The following ZYG11B variants were observed in gnomAD, a reference collection of about 807,000 sequenced individuals.
ZYG11B encodes protein zyg-11 homolog B.
In ZYG11B, 36 loss-of-function variants were observed where a neutral mutation model predicts 82.4. The observed-to-expected ratio is 0.44, with a 90% CI of 0.33 to 0.58. The LOEUF is 0.58. ZYG11B is among the 20% of genes least tolerant of loss of function. ZYG11B has a pLI of 0.02. For missense variants in ZYG11B, 552 were observed against 895.6 expected (o/e 0.62, Z 4.90); for synonymous variants, 303 against 312.8 (o/e 0.97, Z 0.33).
chr1:52,798,494 C>G (rs1645046959), intron 8 of ZYG11B, among the ~76,000 whole-genome samples: 1 of 152,022 alleles, frequency 6.6e-6, no homozygotes, highest in African/African-American at 2.4e-5. Flanking sequence ...GTCTGTGGTC[C>G]CAGCTACGCA....
At chr1:52,755,240 C>T (rs1335079895) in intron 1 of ZYG11B, among the ~76,000 whole-genome samples, 15 of 151,958 alleles carry the variant, frequency 9.9e-5, no homozygotes, top group Admixed American at 2.0e-4. Context: ...GGATTACAGG[C>T]GGGAGCCACT....
intron 7 of ZYG11B, 138 bp downstream of exon 7, chr1:52,796,529 G>A: frequency 1.1e-6 from 1 of 918,282 alleles, no homozygotes. Flanking sequence ...ATTCGATATT[G>A]CAGAATTTGG....
At chr1:52,769,964 C>T (rs75466793) in intron 2 of ZYG11B, among the ~76,000 whole-genome samples, 1,813 of 149,442 alleles carry the variant, frequency 0.012, 38 homozygotes, top group African/African-American at 0.043. Flanking sequence ...GCTTGTGACA[C>T]TGTTGATTGG....
At chr1:52,781,919 A>G (rs776508231) in intron 4 of ZYG11B, among the ~76,000 whole-genome samples, 20 of 152,046 alleles carry the variant, frequency 1.3e-4, no homozygotes, top group Non-Finnish European at 2.2e-4. Context: ...GGCACTTGGT[A>G]TATGAATTGT....
At chr1:52,797,752 G>A (rs914907848) in intron 8 of ZYG11B, among the ~76,000 whole-genome samples, 8 of 150,352 alleles carry the variant, frequency 5.3e-5, no homozygotes, top group South Asian at 2.1e-4. Context: ...CTTGTGATCC[G>A]CCCACCTCGG....
At chr1:52,775,688 C>T (rs7513052) in intron 3 of ZYG11B, among the ~76,000 whole-genome samples, 73,752 of 147,702 alleles carry the variant, frequency 0.5, 18,381 homozygotes, top group East Asian at 0.71. Flanking sequence ...GGGTCTGTGT[C>T]TCAAAAACAA....
At chr1:52,754,735 T>G (rs2149928740) in intron 1 of ZYG11B, among the ~76,000 whole-genome samples, 1 of 152,298 alleles carries the variant, frequency 6.6e-6, no homozygotes, top group African/African-American at 2.4e-5. Context: ...TTTTTGAAGT[T>G]TAATAGATAT....
At chr1:52,735,276 G>T (rs973965751) in intron 1 of ZYG11B, among the ~76,000 whole-genome samples, 3 of 152,080 alleles carry the variant, frequency 2.0e-5, no homozygotes, top group Non-Finnish European at 4.4e-5. Context: ...TGATCCGCCT[G>T]CCTCGGCCTC....
intron 1 of ZYG11B, among the ~76,000 whole-genome samples, chr1:52,737,941 C>G (rs1644391528): frequency 6.6e-6 from 1 of 152,218 alleles, no homozygotes; most frequent in Non-Finnish European, 1.5e-5. Flanking sequence ...CAGATAGTTT[C>G]TTTTACTAGC....
chr1:52,728,861 ATTT>A (rs55730485), intron 1 of ZYG11B, among the ~76,000 whole-genome samples: 51,006 of 149,274 alleles, frequency 0.34, 10,375 homozygotes, highest in Admixed American at 0.47. Flanking sequence ...CCTCACAGGG[ATTT>A]TTTTTTTTTT....
chr1:52,751,486 T>C (rs1040165050), intron 1 of ZYG11B, among the ~76,000 whole-genome samples: 17 of 151,886 alleles, frequency 1.1e-4, no homozygotes, highest in Admixed American at 2.0e-4. Flanking sequence ...AAAAATTAGC[T>C]GGGCGTGGTG....
At chr1:52,808,279 G>A (rs1165692815) in intron 10 of ZYG11B, among the ~76,000 whole-genome samples, 3 of 152,010 alleles carry the variant, frequency 2.0e-5, no homozygotes, top group Non-Finnish European at 2.9e-5. Flanking sequence ...CAGGAGAATC[G>A]CTTGAACCCA....
In ZYG11B at chr1:52,756,512, CACCTTGAG is replaced by C; in HGVS notation, c.87_94del (p.His29GlnfsTer25). 1 of 1,614,126 alleles carries C rather than the reference CACCTTGAG, an allele frequency of 6.2e-7. No homozygotes were observed. The highest frequency in any genetic ancestry group is 8.5e-7 in the Non-Finnish European group (1 of 1,180,034). The stretch of plus-strand genomic sequence containing the variant: ...TATCTGCTTGAATTTCTTGACTACT[CACCTTGAG>C]AAGTTCTGTTCAGCCAGACAAGATG... On this transcript the variant is annotated frameshift_variant, in exon 2 of 14. Coordinates refer to ENST00000294353, the MANE Select transcript of ZYG11B (RefSeq NM_024646.3). LOFTEE classifies it high-confidence loss of function.
Position 52,771,863 on chromosome 1 carries a change from G to A in ZYG11B, c.951+89G>A. On this transcript the variant is annotated intron_variant, in intron 3 of 13. Transcript: ENST00000294353. The surrounding 1 kb of genome is among the most constrained non-coding windows in gnomAD (Gnocchi z 5.4). ...TTAAAGATGAATGTCTGTAATATAT[G>A]GAACATGTTCATGAAACAGGGCTGC... The A allele has an allele frequency of 2.1e-6, 3 of 1,428,184 alleles. No individual in the cohort carries two copies. The highest frequency in any genetic ancestry group is 2.8e-6 in the Non-Finnish European group (3 of 1,056,218). 88.5% of individuals were successfully genotyped at this position (1,428,184 alleles called of 1,614,324 possible). A position where few individuals can be genotyped will look rare whatever the true frequency, so the allele number is the denominator to read the frequency against.
chr1:52,769,350 T>C (rs1050356718), intron 2 of ZYG11B, among the ~76,000 whole-genome samples: 2 of 151,910 alleles, frequency 1.3e-5, no homozygotes, highest in African/African-American at 4.8e-5. Flanking sequence ...GTGCAACGAG[T>C]TTTAATAATT....
intron 1 of ZYG11B, among the ~76,000 whole-genome samples, chr1:52,747,866 G>T (rs2149925133): frequency 6.6e-6 from 1 of 152,228 alleles, no homozygotes; most frequent in Non-Finnish European, 1.5e-5. Flanking sequence ...CTGTAATCTT[G>T]AGCAAATTAC....
intron 1 of ZYG11B, among the ~76,000 whole-genome samples, chr1:52,746,700 T>TGTTTTG (rs1644480244): frequency 7.1e-6 from 1 of 141,840 alleles, no homozygotes; most frequent in Non-Finnish European, 1.5e-5. Flanking sequence ...TTTTTTTTTT[T>TGTTTTG]TTTTTTTTTT....
intron 3 of ZYG11B, among the ~76,000 whole-genome samples, chr1:52,773,081 G>A (rs187140542): frequency 5.3e-5 from 8 of 152,278 alleles, no homozygotes; most frequent in African/African-American, 1.9e-4. Flanking sequence ...CTCTACTGTA[G>A]AAATGGTAGA....
chr1:52,826,430 G>A lies in ZYG11B; in HGVS notation c.*4801G>A, dbSNP rs977960015. The A allele has an allele frequency of 4.6e-5, 7 of 152,290 alleles. No individual in the cohort carries two copies. Among genetic ancestry groups the A allele is most frequent in the South Asian group, 4.1e-4 (2 of 4,826 alleles). 9.4% of individuals were successfully genotyped at this position (152,290 alleles called of 1,614,324 possible). A position where few individuals can be genotyped will look rare whatever the true frequency, so the allele number is the denominator to read the frequency against. On this transcript the variant is annotated 3_prime_UTR_variant, in exon 14 of 14. Coordinates refer to ENST00000294353, the MANE Select transcript of ZYG11B (RefSeq NM_024646.3). ...AATAATGCAAAACCAACCTTCGTCC[G>A]GTGATGAGAATAGCCGTATGATAAG...
Sources: gnomAD v4.1 joint callset for allele counts (sites outside exome capture counted in the v4.1 genomes callset) on GRCh38, gnomAD v4.1.1 for gene constraint, Gnocchi (gnomAD v3.1) non-coding constraint, MANE v1.5 for transcripts, NCBI Gene and HGNC (gene_info 2026-07-23, HGNC 2026-07-21) for gene names.